The following ADGRL3 variants were observed in gnomAD, a reference collection of about 807,000 sequenced individuals.
ADGRL3 encodes the protein calcium-independent alpha-latrotoxin receptor 3.
In ADGRL3, 62 loss-of-function variants were observed where a neutral mutation model predicts 153.5. The observed-to-expected ratio is 0.40, with a 90% confidence interval of 0.33 to 0.50. The LOEUF (loss-of-function observed/expected upper bound fraction) is 0.50, where lower values mean the gene tolerates loss of function less well. Ranked by LOEUF, ADGRL3 falls within the 20% of genes least tolerant of loss-of-function variation. The pLI is 0.47. For missense variants in ADGRL3, 1,641 were observed against 1,859.4 expected (o/e 0.88, Z 2.16); for synonymous variants, 710 against 672.5 (o/e 1.06, Z -0.86).
intron 5 of ADGRL3, among the ~76,000 whole-genome samples, chr4:61,653,036 G>C (rs1580107331): frequency 6.6e-6 from 1 of 151,906 alleles, no homozygotes; most frequent in African/African-American, 2.4e-5. Flanking sequence ...AAATGAGTAA[G>C]TTTAACCTTA....
chr4:61,615,849 A>G (rs1187134577), intron 5 of ADGRL3, among the ~76,000 whole-genome samples: 6 of 152,084 alleles, frequency 3.9e-5, no homozygotes, highest in Non-Finnish European at 8.8e-5. Context: ...TATTAGTCTG[A>G]TTTACTGTTC....
intron 5 of ADGRL3, among the ~76,000 whole-genome samples, chr4:61,595,629 G>A (rs1427603271): frequency 6.6e-6 from 1 of 152,168 alleles, no homozygotes; most frequent in Non-Finnish European, 1.5e-5. Context: ...CCTGGGGTTA[G>A]AGGAGTGATG....
intron 2 of ADGRL3, among the ~76,000 whole-genome samples, chr4:61,459,164 C>T (rs1336455200): frequency 6.6e-6 from 1 of 151,646 alleles, no homozygotes; most frequent in Non-Finnish European, 1.5e-5. Context: ...GTGTTGTAAA[C>T]TATTCTTGTA....
chr4:61,704,936 TTC>T (rs1453057117), intron 6 of ADGRL3, among the ~76,000 whole-genome samples: 1 of 152,216 alleles, frequency 6.6e-6, no homozygotes, highest in African/African-American at 2.4e-5. Flanking sequence ...TTAATTCTAG[TTC>T]TCTTTCTATT....
chr4:61,217,894 A>G lies in ADGRL3; in HGVS notation c.-240+16129A>G, dbSNP rs1246013949. On this transcript the variant is annotated intron_variant, in intron 1 of 26. Coordinates refer to ENST00000683033, the MANE Select transcript of ADGRL3 (RefSeq NM_001387552.1). ...CTTTAGGAATACCAGTGCTAAAGAC[A>G]AGGCTGTGGTTATGACTCTGTTTGT... is the stretch of plus-strand genomic sequence containing the variant. 3.3e-5 allele frequency among the ~76,000 whole-genome samples: 5 copies of G among 152,326 alleles called. No individual in the cohort carries two copies. In the East Asian group the frequency reaches 9.6e-4, roughly 29 times the overall value.
chr4:62,068,623 T>C (rs980153966), intron 26 of ADGRL3, among the ~76,000 whole-genome samples: 1 of 152,112 alleles, frequency 6.6e-6, no homozygotes, highest in African/African-American at 2.4e-5. Flanking sequence ...CATCCAACCA[T>C]AGCCATCAAG....
chr4:61,357,747 A>C (rs2096204202), intron 1 of ADGRL3, among the ~76,000 whole-genome samples: 1 of 152,144 alleles, frequency 6.6e-6, no homozygotes, highest in Admixed American at 6.5e-5. Flanking sequence ...TCAACCAATA[A>C]ACACTTTGAT....
chr4:61,901,629 G>T (rs2098665218), intron 11 of ADGRL3, among the ~76,000 whole-genome samples: 1 of 152,124 alleles, frequency 6.6e-6, no homozygotes, highest in Non-Finnish European at 1.5e-5. Flanking sequence ...CAAAGAAATG[G>T]TAGCTATGTA....
intron 2 of ADGRL3, among the ~76,000 whole-genome samples, chr4:61,393,614 C>T (rs1313650377): frequency 6.6e-6 from 1 of 151,204 alleles, no homozygotes; most frequent in African/African-American, 2.4e-5. Flanking sequence ...TCATTTTTTT[C>T]AGGGTGAATA....
chr4:61,638,062 C>T (rs1052630665), intron 5 of ADGRL3, among the ~76,000 whole-genome samples: 1 of 152,154 alleles, frequency 6.6e-6, no homozygotes. Context: ...TAAATGAAAA[C>T]CTTCATCCAC....
chr4:61,985,236 GT>G (rs2099081171), intron 19 of ADGRL3, among the ~76,000 whole-genome samples: 1 of 151,426 alleles, frequency 6.6e-6, no homozygotes. Context: ...ACCAAGTCAG[GT>G]TATTTCAAAT....
At position 61,408,044 on chromosome 4, in the gene ADGRL3, C is replaced by A. The variant is rs555866771; in HGVS notation, c.-174+24855C>A. On this transcript the variant is annotated intron_variant, in intron 2 of 26. Coordinates refer to ENST00000683033, the MANE Select transcript of ADGRL3 (RefSeq NM_001387552.1). Reference sequence around the variant, plus strand: ...TGAAATGAGAAATTGGGGCTTCTGGCAGGGGCTGGGATTGTGGAGCCACGC... The same window carrying A: ...TGAAATGAGAAATTGGGGCTTCTGGAAGGGGCTGGGATTGTGGAGCCACGC... Among the ~76,000 whole-genome samples the A allele has an allele frequency of 3.3e-5, 5 of 152,032 alleles. No homozygotes were observed. The South Asian group carries it at 1.0e-3, about 32-fold the overall frequency.
intron 21 of ADGRL3, among the ~76,000 whole-genome samples, chr4:62,016,955 G>A (rs2099215005): frequency 6.6e-6 from 1 of 151,676 alleles, no homozygotes; most frequent in African/African-American, 2.4e-5. Context: ...TTGCTATTAG[G>A]TATGATATCT....
chr4:61,984,080 G>T (rs1317859898), intron 19 of ADGRL3, among the ~76,000 whole-genome samples: 1 of 152,134 alleles, frequency 6.6e-6, no homozygotes, highest in Non-Finnish European at 1.5e-5. Context: ...TAGGCATTGA[G>T]GTAGAGTGAT....
At position 61,795,143 on chromosome 4, in the gene ADGRL3, A is replaced by C. The variant is rs911056530; in HGVS notation, c.1400-18666A>C. Reference sequence around the variant, plus strand: ...TCAGTTTTATGCTCAACCTAAATTTATGTATTTATTTTTTAGCTCTGTTGC... The same window carrying C: ...TCAGTTTTATGCTCAACCTAAATTTCTGTATTTATTTTTTAGCTCTGTTGC... On this transcript the variant is annotated intron_variant, in intron 8 of 26. Transcript: ENST00000683033. 5.9e-5 allele frequency among the ~76,000 whole-genome samples: 9 copies of C among 152,226 alleles called. No homozygotes were observed. The East Asian group carries it at 1.7e-3, about 29-fold the overall frequency.
At chr4:61,453,175 G>A (rs1332386148) in intron 2 of ADGRL3, among the ~76,000 whole-genome samples, 1 of 152,080 alleles carries the variant, frequency 6.6e-6, no homozygotes, top group East Asian at 1.9e-4. Context: ...ATGTCTGAAG[G>A]ACACTGAACT....
chr4:61,990,658 C>A (rs922270659), intron 19 of ADGRL3, among the ~76,000 whole-genome samples: 1 of 151,820 alleles, frequency 6.6e-6, no homozygotes, highest in African/African-American at 2.4e-5. Flanking sequence ...TGACTTGAGA[C>A]CTGTTTCAGT....
At chr4:61,387,441 G>A (rs937152020) in intron 2 of ADGRL3, among the ~76,000 whole-genome samples, 4 of 152,016 alleles carry the variant, frequency 2.6e-5, no homozygotes, top group Non-Finnish European at 5.9e-5. Flanking sequence ...ATAAACCTGG[G>A]ATCACTATGG....
At chr4:61,847,788 TTATATATATAATATAAAATATATTATA>T (rs1561351349) in intron 9 of ADGRL3, among the ~76,000 whole-genome samples, 4 of 29,224 alleles carry the variant, frequency 1.4e-4, no homozygotes, top group African/African-American at 2.5e-4. Context: ...ACAAAATATA[TTATATATATAATATAAAATATATTATA>T]TATATATAAT....
Sources: allele counts gnomAD v4.1 joint callset (sites outside exome capture counted in the v4.1 genomes callset), GRCh38; gene constraint gnomAD v4.1.1; transcripts MANE v1.5; gene names NCBI Gene and HGNC (gene_info 2026-07-23, HGNC 2026-07-21).